The following CLSTN2 variants were observed in gnomAD, a reference collection of about 807,000 sequenced individuals.
CLSTN2 encodes the protein calsyntenin-2.
In CLSTN2, 48 loss-of-function variants were observed where a neutral mutation model predicts 101.2. The ratio of observed to expected loss-of-function variants is 0.47; its 90% CI spans 0.38 to 0.60. The LOEUF (loss-of-function observed/expected upper bound fraction) is 0.60. CLSTN2 is among the 20% of genes least tolerant of loss of function. CLSTN2 has a pLI of 0.00. For missense variants in CLSTN2, 1,160 were observed against 1,238.2 expected (o/e 0.94, Z 0.95); for synonymous variants, 481 against 463.6 (o/e 1.04, Z -0.48).
intron 1 of CLSTN2, among the ~76,000 whole-genome samples, chr3:140,131,307 T>TC (rs1324205729): frequency 6.6e-6 from 1 of 151,220 alleles, no homozygotes; most frequent in Non-Finnish European, 1.5e-5. Flanking sequence ...TCTTTATGAT[T>TC]TTTTTTTAAT....
chr3:139,948,640 C>T (rs543343808), intron 1 of CLSTN2, among the ~76,000 whole-genome samples: 28 of 152,236 alleles, frequency 1.8e-4, no homozygotes, highest in African/African-American at 6.5e-4. Flanking sequence ...AGTGGTGGCT[C>T]ATAGCAAGTC....
At chr3:140,012,904 G>C (rs1282722058) in intron 1 of CLSTN2, among the ~76,000 whole-genome samples, 1 of 150,054 alleles carries the variant, frequency 6.7e-6, no homozygotes, top group Non-Finnish European at 1.5e-5. Context: ...AGTGGTGCTG[G>C]AAATGCAGCT....
intron 1 of CLSTN2, among the ~76,000 whole-genome samples, chr3:140,171,673 T>TATTATATATTATATAATAC (rs1559797176): frequency 6.2e-5 from 4 of 64,658 alleles, no homozygotes; most frequent in East Asian, 4.6e-4. Flanking sequence ...ATATATAATA[T>TATTATATATTATATAATAC]GTATTATATA....
intron 1 of CLSTN2, among the ~76,000 whole-genome samples, chr3:140,120,406 C>G (rs1408974937): frequency 6.6e-6 from 1 of 152,186 alleles, no homozygotes; most frequent in Non-Finnish European, 1.5e-5. Flanking sequence ...GGGCATAGCA[C>G]TTTCTAGGAA....
chr3:140,008,931 T>C (rs181887445), intron 1 of CLSTN2, among the ~76,000 whole-genome samples: 16 of 152,354 alleles, frequency 1.1e-4, no homozygotes, highest in Admixed American at 4.6e-4. Flanking sequence ...TTGCAGACTT[T>C]CTCAAATATT....
chr3:140,565,591 T>C (rs1936010247), intron 16 of CLSTN2, among the ~76,000 whole-genome samples: 1 of 152,166 alleles, frequency 6.6e-6, no homozygotes. Context: ...ACCTGAGTCT[T>C]TGCTTAGAAT....
chr3:140,453,589 A>T (rs1283203277), intron 6 of CLSTN2, among the ~76,000 whole-genome samples: 1 of 152,240 alleles, frequency 6.6e-6, no homozygotes, highest in Non-Finnish European at 1.5e-5. Flanking sequence ...GTATATTTCA[A>T]AATAGCTAGA....
intron 2 of CLSTN2, among the ~76,000 whole-genome samples, chr3:140,320,415 A>T (rs1161577454): frequency 5.9e-5 from 9 of 152,140 alleles, no homozygotes; most frequent in Admixed American, 5.9e-4. Flanking sequence ...GAGCGATAGG[A>T]CTAATAAGGA....
chr3:140,359,776 C>A (rs374422074), intron 2 of CLSTN2, among the ~76,000 whole-genome samples: 1 of 152,066 alleles, frequency 6.6e-6, no homozygotes, highest in African/African-American at 2.4e-5. Flanking sequence ...CTTAATTACT[C>A]ATTTCCAATT....
chr3:140,562,667 G>A (rs761123066), intron 13 of CLSTN2, 144 bp from the exon 14 acceptor site: 1 of 838,118 alleles, frequency 1.2e-6, no homozygotes, highest in African/African-American at 1.7e-5. Context: ...TCTGCACATT[G>A]TCTGCCCAAA....
intron 1 of CLSTN2, among the ~76,000 whole-genome samples, chr3:140,142,561 T>C (rs757829577): frequency 1.3e-5 from 2 of 152,178 alleles, no homozygotes; most frequent in East Asian, 1.9e-4. Flanking sequence ...ATAGCAAAGG[T>C]CATTTGTGAC....
chr3:140,157,113 T>G (rs541977817), intron 1 of CLSTN2, among the ~76,000 whole-genome samples: 1 of 152,200 alleles, frequency 6.6e-6, no homozygotes, highest in Admixed American at 6.5e-5. Context: ...TGCTCAGAAC[T>G]ATTCAATCTT....
At chr3:140,341,517 C>A (rs2087492800) in intron 2 of CLSTN2, among the ~76,000 whole-genome samples, 1 of 152,202 alleles carries the variant, frequency 6.6e-6, no homozygotes, top group South Asian at 2.1e-4. Flanking sequence ...GCCGCATTTT[C>A]TTCTTGCTGT....
At chr3:140,210,951 G>A (rs1050317286) in intron 2 of CLSTN2, among the ~76,000 whole-genome samples, 1 of 152,116 alleles carries the variant, frequency 6.6e-6, no homozygotes, top group African/African-American at 2.4e-5. Flanking sequence ...CTCTTCACCA[G>A]CAAGTATTCC....
intron 1 of CLSTN2, among the ~76,000 whole-genome samples, chr3:140,081,353 G>C (rs111300727): frequency 6.6e-6 from 1 of 152,122 alleles, no homozygotes; most frequent in African/African-American, 2.4e-5. Flanking sequence ...AATTTTCTTC[G>C]TGCCAAGGTT....
chr3:140,071,553 C>T (rs1022961365), intron 1 of CLSTN2, among the ~76,000 whole-genome samples: 3 of 152,142 alleles, frequency 2.0e-5, no homozygotes, highest in East Asian at 1.9e-4. Flanking sequence ...TGAAAAAGGC[C>T]GGGCGCAGTG....
At chr3:140,010,960 T>C (rs2007061432) in intron 1 of CLSTN2, among the ~76,000 whole-genome samples, 1 of 152,218 alleles carries the variant, frequency 6.6e-6, no homozygotes, top group Non-Finnish European at 1.5e-5. Flanking sequence ...GAATGGCCTG[T>C]GTGTTCTGGG....
intron 8 of CLSTN2, among the ~76,000 whole-genome samples, chr3:140,518,786 G>A (rs576880083): frequency 2.6e-5 from 4 of 152,270 alleles, no homozygotes; most frequent in Non-Finnish European, 4.4e-5. Context: ...TCCACATGTC[G>A]CTCTGTCTGT....
intron 9 of CLSTN2, among the ~76,000 whole-genome samples, chr3:140,542,148 C>A (rs1011764394): frequency 6.6e-6 from 1 of 152,136 alleles, no homozygotes; most frequent in African/African-American, 2.4e-5. Context: ...TCCCTCTTAC[C>A]TGTTGGACAC....
Sources: allele counts gnomAD v4.1 joint callset (sites outside exome capture counted in the v4.1 genomes callset), GRCh38; gene constraint gnomAD v4.1.1; transcripts MANE v1.5; gene names NCBI Gene and HGNC (gene_info 2026-07-23, HGNC 2026-07-21).